Variants in KHDRBS2 observed in about 807,000 individuals in gnomAD.
KHDRBS2 encodes KH RNA binding domain containing, signal transduction associated 2, also known as KH domain-containing, RNA-binding, signal transduction-associated protein 2.
Under a neutral mutation model 44.3 loss-of-function variants are expected in KHDRBS2, and 26 were observed. The ratio of observed to expected loss-of-function variants is 0.59; its 90% CI spans 0.43 to 0.81. KHDRBS2 has a LOEUF of 0.81. Among genes scored for constraint, KHDRBS2 ranks in the 40% least tolerant of loss-of-function variants. The pLI is 0.00. For synonymous variants in KHDRBS2, 194 were observed against 151.1 expected (o/e 1.28, Z -2.08); for missense variants, 476 against 433.1 (o/e 1.10, Z -0.88).
the KHDRBS2 span, among the ~76,000 whole-genome samples, chr6:61,667,413 A>G: frequency 6.6e-6 from 1 of 151,314 alleles, no homozygotes. Flanking sequence ...CAAAAATCAT[A>G]AACAGTACAT....
chr6:62,160,145 A>G (rs924911214), intron 2 of KHDRBS2, among the ~76,000 whole-genome samples: 9 of 152,168 alleles, frequency 5.9e-5, no homozygotes, highest in Non-Finnish European at 1.0e-4. Context: ...AGGAGACCAT[A>G]ATATAACAAA....
the KHDRBS2 span, among the ~76,000 whole-genome samples, chr6:61,661,874 A>G: frequency 2.0e-5 from 3 of 151,922 alleles, no homozygotes; most frequent in Non-Finnish European, 4.4e-5. Context: ...CAATGACTTT[A>G]TTCACAGAAT....
chr6:62,217,893 T>C (rs993969976), intron 1 of KHDRBS2, among the ~76,000 whole-genome samples: 5 of 151,818 alleles, frequency 3.3e-5, no homozygotes, highest in Admixed American at 2.6e-4. Context: ...TTCAAAACTG[T>C]CCAACTGGAT....
intron 3 of KHDRBS2, among the ~76,000 whole-genome samples, chr6:61,997,858 G>C (rs1345194282): frequency 1.3e-5 from 2 of 152,072 alleles, no homozygotes; most frequent in Non-Finnish European, 1.5e-5. Flanking sequence ...TATAAGAAAT[G>C]TACAGTACTA....
intron 2 of KHDRBS2, among the ~76,000 whole-genome samples, chr6:62,090,553 A>T (rs555706937): frequency 2.0e-5 from 3 of 150,546 alleles, no homozygotes; most frequent in Non-Finnish European, 3.0e-5. Context: ...TGGTTATAGG[A>T]AAGGTGTTTT....
At chr6:62,140,313 T>TA (rs2150097466) in intron 2 of KHDRBS2, among the ~76,000 whole-genome samples, 1 of 152,250 alleles carries the variant, frequency 6.6e-6, no homozygotes, top group South Asian at 2.1e-4. Flanking sequence ...TACAGACGGA[T>TA]AGTGGGAAGC....
chr6:62,093,856 T>TGTG (rs1799975853), intron 2 of KHDRBS2, among the ~76,000 whole-genome samples: 4 of 143,214 alleles, frequency 2.8e-5, no homozygotes, highest in Non-Finnish European at 4.6e-5. Flanking sequence ...TTCCATTGTT[T>TGTG]TGTGTGTGTG....
intron 6 of KHDRBS2, among the ~76,000 whole-genome samples, chr6:61,792,076 G>T (rs1459300598): frequency 1.3e-5 from 2 of 150,732 alleles, no homozygotes; most frequent in South Asian, 2.1e-4. Flanking sequence ...TCTATTCCTT[G>T]TCTCTCTAGC....
intron 6 of KHDRBS2, among the ~76,000 whole-genome samples, chr6:61,889,746 C>A (rs571951018): frequency 1.3e-5 from 2 of 152,162 alleles, no homozygotes; most frequent in Non-Finnish European, 2.9e-5. Context: ...CTCCTCTGCA[C>A]GCTCCAACAG....
At position 61,926,496 on chromosome 6, in the gene KHDRBS2, A is replaced by T. The variant is rs1206299864; in HGVS notation, c.484-25125T>A. ...TATAACATGCTAGAAGATGGAAAAC[A>T]AAAACGGACCAATTCAGAGTGCAAT... On this transcript the variant is annotated intron_variant, in intron 4 of 8. Transcript: ENST00000281156. Among the ~76,000 whole-genome samples the T allele has an allele frequency of 2.6e-5, 4 of 152,152 alleles. No homozygotes were observed. The South Asian group carries it at 6.2e-4, about 24-fold the overall frequency.
At chr6:61,931,765 AG>A (rs1390215542) in intron 4 of KHDRBS2, among the ~76,000 whole-genome samples, 1 of 152,000 alleles carries the variant, frequency 6.6e-6, no homozygotes, top group Non-Finnish European at 1.5e-5. Flanking sequence ...TTTAAAGAAA[AG>A]TTGCACTGAG....
intron 8 of KHDRBS2, among the ~76,000 whole-genome samples, chr6:61,687,309 A>T (rs1766926034): frequency 6.6e-6 from 1 of 151,804 alleles, no homozygotes; most frequent in Non-Finnish European, 1.5e-5. Flanking sequence ...ATTTTTAATT[A>T]GATGTCCTCT....
At chr6:61,861,363 C>T (rs1351330419) in intron 6 of KHDRBS2, among the ~76,000 whole-genome samples, 1 of 151,900 alleles carries the variant, frequency 6.6e-6, no homozygotes, top group African/African-American at 2.4e-5. Flanking sequence ...CATTGAAGTC[C>T]TTAATCCACC....
intron 3 of KHDRBS2, among the ~76,000 whole-genome samples, chr6:62,028,572 T>C (rs1274785182): frequency 1.3e-5 from 2 of 152,084 alleles, no homozygotes; most frequent in Admixed American, 6.6e-5. Context: ...ATGAAATCTA[T>C]ATTTACTCTA....
At chr6:61,567,013 C>T in the KHDRBS2 span, among the ~76,000 whole-genome samples, 1 of 152,184 alleles carries the variant, frequency 6.6e-6, no homozygotes, top group Admixed American at 6.5e-5. Context: ...GCTAATGGGA[C>T]ATTACTAGAG....
chr6:62,033,423 CT>C (rs1784703726), intron 3 of KHDRBS2, among the ~76,000 whole-genome samples: 1 of 151,732 alleles, frequency 6.6e-6, no homozygotes, highest in Non-Finnish European at 1.5e-5. Context: ...AATAATTAAA[CT>C]CCCAAAGATC....
At chr6:61,847,180 A>T (rs1290061142) in intron 6 of KHDRBS2, among the ~76,000 whole-genome samples, 1 of 152,214 alleles carries the variant, frequency 6.6e-6, no homozygotes, top group East Asian at 1.9e-4. Flanking sequence ...AAGGACAAAT[A>T]CAATGAAAAA....
At chr6:62,226,070 G>T (rs1831753168) in intron 1 of KHDRBS2, among the ~76,000 whole-genome samples, 2 of 152,112 alleles carry the variant, frequency 1.3e-5, no homozygotes, top group African/African-American at 4.8e-5. Context: ...GGATGGCTGG[G>T]TCAAATGGTA....
intron 6 of KHDRBS2, among the ~76,000 whole-genome samples, chr6:61,872,033 G>C (rs955178567): frequency 6.6e-6 from 1 of 152,010 alleles, no homozygotes; most frequent in Non-Finnish European, 1.5e-5. Flanking sequence ...CATGGTGCGT[G>C]TATGCCTGTG....
Sources: allele counts gnomAD v4.1 joint callset (sites outside exome capture counted in the v4.1 genomes callset), GRCh38; gene constraint gnomAD v4.1.1; transcripts MANE v1.5; gene names NCBI Gene and HGNC (gene_info 2026-07-23, HGNC 2026-07-21).